Variants in PTPRN2 observed in about 807,000 individuals in gnomAD.
PTPRN2 encodes protein tyrosine phosphatase receptor type N2, also known as receptor-type tyrosine-protein phosphatase N2.
In PTPRN2, 74 loss-of-function variants were observed where a neutral mutation model predicts 118.8. The observed-to-expected ratio is 0.62, with a 90% CI of 0.52 to 0.76. PTPRN2 has a LOEUF of 0.76. Among genes scored for constraint, PTPRN2 ranks in the 30% least tolerant of loss-of-function variants. The pLI is 0.00. For synonymous variants in PTPRN2, 641 were observed against 608.0 expected, an observed-to-expected ratio of 1.05 and a Z score of -0.80; for missense variants, 1,481 against 1,394.4, an observed-to-expected ratio of 1.06 and a Z score of -0.99.
At chr7:157,996,939 A>G (rs1039195307) in intron 11 of PTPRN2, among the ~76,000 whole-genome samples, 1 of 152,102 alleles carries the variant, frequency 6.6e-6, no homozygotes, top group African/African-American at 2.4e-5. Flanking sequence ...GGGAGGCACG[A>G]GCTTCTCTGG....
intron 14 of PTPRN2, among the ~76,000 whole-genome samples, chr7:157,649,922 G>A (rs1304917093): frequency 2.5e-5 from 2 of 79,532 alleles, no homozygotes; most frequent in Non-Finnish European, 6.6e-5. Context: ...GAACTCGGTG[G>A]GTCGGACCCA....
At chr7:157,792,068 A>G (rs1804541428) in intron 12 of PTPRN2, among the ~76,000 whole-genome samples, 1 of 152,190 alleles carries the variant, frequency 6.6e-6, no homozygotes, top group African/African-American at 2.4e-5. Context: ...AGTTTGTCAA[A>G]GTTGGGCGAA....
intron 13 of PTPRN2, among the ~76,000 whole-genome samples, chr7:157,675,105 A>C (rs1186407551): frequency 6.6e-6 from 1 of 152,020 alleles, no homozygotes; most frequent in Non-Finnish European, 1.5e-5. Context: ...TTTCTTTTGA[A>C]ATCCCAGTTT....
chr7:158,040,802 A>G (rs1808412530), intron 11 of PTPRN2, among the ~76,000 whole-genome samples: 1 of 148,904 alleles, frequency 6.7e-6, no homozygotes, highest in Non-Finnish European at 1.5e-5. Flanking sequence ...GCACAATCTC[A>G]GCTCACTGCA....
Position 158,074,833 on chromosome 7 carries a change from G to A in PTPRN2, c.1723+6465C>T, listed in dbSNP as rs570556671. ...CAGCATTGCTCGTTCATTTGCAGGT[G>A]AGAACGAGCTGCTCCCATGAGTGGT... is the stretch of plus-strand genomic sequence containing the variant. On this transcript the variant is annotated intron_variant, in intron 11 of 22. Coordinates refer to ENST00000389418, the MANE Select transcript of PTPRN2 (RefSeq NM_002847.5). 3.9e-5 allele frequency among the ~76,000 whole-genome samples: 6 copies of A among 152,326 alleles called. No homozygotes were observed. The South Asian group carries it at 1.0e-3, about 26-fold the overall frequency.
intron 4 of PTPRN2, among the ~76,000 whole-genome samples, chr7:158,197,381 T>G (rs1368658758): frequency 6.6e-6 from 1 of 152,204 alleles, no homozygotes; most frequent in Admixed American, 6.5e-5. Flanking sequence ...ATTACAAATT[T>G]CCCACATACA....
intron 1 of PTPRN2, among the ~76,000 whole-genome samples, chr7:158,587,027 C>G (rs1371687737): frequency 2.6e-5 from 4 of 152,048 alleles, no homozygotes; most frequent in Non-Finnish European, 5.9e-5. Context: ...GCGCGCGACC[C>G]GTGGCCGGGG....
chr7:158,334,974 C>G lies in PTPRN2; in HGVS notation c.164-18042G>C, dbSNP rs1383510962. On this transcript the variant is annotated intron_variant, in intron 2 of 22. Coordinates refer to ENST00000389418, the MANE Select transcript of PTPRN2 (RefSeq NM_002847.5). ...CACACCCACACTCTCACCATAAGCG[C>G]TGACACCTGCTGACGTCACTCACAC... 1.4e-3 allele frequency among the ~76,000 whole-genome samples: 15 copies of G among 11,068 alleles called. 6 individuals are homozygous for G. Among genetic ancestry groups the G allele is most frequent in the East Asian group, 2.7e-3 (2 of 728 alleles). 7.3% of individuals were successfully genotyped at this position (11,068 alleles called of 152,430 possible). A position where few individuals can be genotyped will look rare whatever the true frequency, so the allele number is the denominator to read the frequency against.
At chr7:158,442,108 A>AGTGATG (rs1817374794) in intron 2 of PTPRN2, among the ~76,000 whole-genome samples, 1 of 135,566 alleles carries the variant, frequency 7.4e-6, no homozygotes. Context: ...TGGTCACGGC[A>AGTGATG]GTGGTGGTGG....
intron 12 of PTPRN2, among the ~76,000 whole-genome samples, chr7:157,820,648 A>G (rs1806778787): frequency 6.6e-6 from 1 of 152,166 alleles, no homozygotes; most frequent in Non-Finnish European, 1.5e-5. Flanking sequence ...GTGCACACAC[A>G]CATGCACACA....
chr7:157,840,255 G>A (rs556673098), intron 12 of PTPRN2, among the ~76,000 whole-genome samples: 4 of 145,622 alleles, frequency 2.7e-5, no homozygotes, highest in South Asian at 2.3e-4. Context: ...GTGTAACCGC[G>A]TGTGACTGTG....
chr7:158,489,766 G>T lies in PTPRN2; in HGVS notation c.132C>A (p.Gly44=). 1.9e-6 allele frequency: 3 copies of T among 1,581,696 alleles called. No homozygotes were observed. Among genetic ancestry groups the T allele is most frequent in the South Asian group, 2.3e-5 (2 of 86,462 alleles). Residue 44 remains glycine (G), a synonymous_variant, in exon 2 of 23, where the codon GGC becomes GGA. Transcript: ENST00000389418. ...PGRLGCLLEE[G]LCGASEACVN... ...CACAGGCCTCGGACGCTCCGCAGAG[G>T]CCCTCCTCGAGCAGGCAGCCTGCGG...
intron 6 of PTPRN2, among the ~76,000 whole-genome samples, chr7:158,155,740 CATCATCACCATCACCAT>C (rs1563529886): frequency 1.9e-5 from 1 of 52,134 alleles, no homozygotes; most frequent in African/African-American, 5.6e-5. Flanking sequence ...CCATCATCAC[CATCATCACCATCACCAT>C]CATCATCACC....
At chr7:157,979,888 G>A (rs1368962535) in intron 11 of PTPRN2, among the ~76,000 whole-genome samples, 1 of 152,180 alleles carries the variant, frequency 6.6e-6, no homozygotes, top group Non-Finnish European at 1.5e-5. Context: ...GTGAGTCCCA[G>A]AGCCAGAGCC....
rs1210801649 is a variant in PTPRN2, at chr7:157,615,326, T to A, written c.2344+6036A>T. The stretch of plus-strand genomic sequence containing the variant: ...GCGTGGGTTGCGGCTGGGTCTGCGC[T>A]GGGGTAGTGTAGGCTGCACTCTCCG... On this transcript the variant is annotated intron_variant, in intron 15 of 22. Coordinates refer to ENST00000389418, the MANE Select transcript of PTPRN2 (RefSeq NM_002847.5). This position sits in a 1 kb window ranked among gnomAD's most constrained non-coding sequence, Gnocchi z 4.3. 5 of 406,066 alleles carry A rather than the reference T, an allele frequency of 1.2e-5. No individual in the cohort carries two copies. Among genetic ancestry groups the A allele is most frequent in the Non-Finnish European group, 1.0e-5 (2 of 193,144 alleles). 25.2% of individuals were successfully genotyped at this position (406,066 alleles called of 1,614,324 possible). A position where few individuals can be genotyped will look rare whatever the true frequency, so the allele number is the denominator to read the frequency against.
chr7:158,205,155 C>A lies in PTPRN2; in HGVS notation c.380+16G>T. The A allele has an allele frequency of 6.3e-7, 1 of 1,599,274 alleles. No individual in the cohort carries two copies. The highest frequency in any genetic ancestry group is 8.6e-7 in the Non-Finnish European group (1 of 1,166,468). ...TGTCCTGGGAGCAAGGAGCAACAAGCCACGTCCACACTTACCTGGCTGGGC... is the reference window on the plus strand; with the variant it reads ...TGTCCTGGGAGCAAGGAGCAACAAGACACGTCCACACTTACCTGGCTGGGC... On this transcript the variant is annotated intron_variant, in intron 4 of 22. Transcript: ENST00000389418.
At chr7:158,363,246 G>T (rs1809150393) in intron 2 of PTPRN2, among the ~76,000 whole-genome samples, 1 of 151,900 alleles carries the variant, frequency 6.6e-6, no homozygotes, top group African/African-American at 2.4e-5. Flanking sequence ...GCCACGAGAG[G>T]CTACAGGAGG....
chr7:158,187,175 G>A (rs370114908), intron 5 of PTPRN2, among the ~76,000 whole-genome samples: 261 of 152,288 alleles, frequency 1.7e-3, no homozygotes, highest in Non-Finnish European at 3.4e-3. Flanking sequence ...GAGTCATCTC[G>A]CTAATGAACA....
At chr7:157,567,168 C>T (rs1402751752) in intron 21 of PTPRN2, among the ~76,000 whole-genome samples, 1 of 152,160 alleles carries the variant, frequency 6.6e-6, no homozygotes, top group Admixed American at 6.5e-5. Flanking sequence ...AAATATTTGA[C>T]AAGACACAGC....
Sources: gnomAD v4.1 joint callset for allele counts (sites outside exome capture counted in the v4.1 genomes callset) on GRCh38, gnomAD v4.1.1 for gene constraint, Gnocchi (gnomAD v3.1) non-coding constraint, MANE v1.5 for transcripts, NCBI Gene and HGNC (gene_info 2026-07-23, HGNC 2026-07-21) for gene names.